The following SCAPER variants were observed in gnomAD, a reference collection of about 807,000 sequenced individuals.
The protein encoded by SCAPER is S-phase cyclin A associated protein in the ER.
Under a neutral mutation model 182.2 loss-of-function variants are expected in SCAPER, and 98 were observed. The observed-to-expected ratio is 0.54, with a 90% confidence interval of 0.46 to 0.64. SCAPER has a LOEUF of 0.64. SCAPER is among the 30% of genes least tolerant of loss of function. The pLI, the probability that SCAPER is intolerant of heterozygous loss-of-function variation, is 0.00. For missense variants in SCAPER, 1,432 were observed against 1,690.0 expected, an observed-to-expected ratio of 0.85 and a Z score of 2.68; for synonymous variants, 605 against 564.6, an observed-to-expected ratio of 1.07 and a Z score of -1.01.
rs11072597 is a variant in SCAPER, at chr15:76,471,173, C to A, written c.3078+39G>T. ...TTCTCCACAGGGACTATTTCTCAAACCTTAACTGCTTCTAACTCAAAGCAA... is the reference window on the plus strand; with the variant it reads ...TTCTCCACAGGGACTATTTCTCAAAACTTAACTGCTTCTAACTCAAAGCAA... On this transcript the variant is annotated intron_variant, in intron 25 of 31. Transcript: ENST00000563290. The A allele has an allele frequency of 0.33, 504,690 of 1,512,136 alleles. 88,425 individuals carry two copies. Among genetic ancestry groups the A allele is most frequent in the East Asian group, 0.58 (24,231 of 41,466 alleles). 93.7% of individuals were successfully genotyped at this position (1,512,136 alleles called of 1,614,324 possible).
At chr15:76,419,793 G>C (rs781591164) in intron 26 of SCAPER, among the ~76,000 whole-genome samples, 2 of 152,106 alleles carry the variant, frequency 1.3e-5, no homozygotes, top group African/African-American at 2.4e-5. Context: ...TATTTTATGA[G>C]GCCAGCATTT....
intron 3 of SCAPER, among the ~76,000 whole-genome samples, chr15:76,859,787 A>G (rs1315602147): frequency 6.6e-6 from 1 of 151,994 alleles, no homozygotes; most frequent in Non-Finnish European, 1.5e-5. Context: ...GCTGGAGTGC[A>G]GTGGCGCGAT....
chr15:76,743,837 T>C (rs2061668246), intron 15 of SCAPER, among the ~76,000 whole-genome samples: 1 of 152,126 alleles, frequency 6.6e-6, no homozygotes, highest in South Asian at 2.1e-4. Context: ...GCCAAAGCAA[T>C]AGTAAGCAAA....
chr15:76,362,463 A>G (rs1293660440), intron 29 of SCAPER, among the ~76,000 whole-genome samples: 1 of 148,206 alleles, frequency 6.7e-6, no homozygotes, highest in East Asian at 2.0e-4. Context: ...CCCAGGCTGG[A>G]GTGCAGTGGT....
chr15:76,591,276 AC>A (rs1238583192), intron 22 of SCAPER, among the ~76,000 whole-genome samples: 3 of 146,868 alleles, frequency 2.0e-5, no homozygotes, highest in Non-Finnish European at 4.7e-5. Flanking sequence ...CCAGGGTGGA[AC>A]CCTTCCGAGT....
chr15:76,444,282 T>C (rs2047835839), intron 25 of SCAPER, among the ~76,000 whole-genome samples: 1 of 152,168 alleles, frequency 6.6e-6, no homozygotes, highest in Non-Finnish European at 1.5e-5. Context: ...GTAAAAAAGA[T>C]TGCACTGACA....
chr15:76,643,815 C>G (rs1251572816), intron 21 of SCAPER, among the ~76,000 whole-genome samples: 1 of 152,068 alleles, frequency 6.6e-6, no homozygotes, highest in Non-Finnish European at 1.5e-5. Flanking sequence ...TTCCTATAAA[C>G]AGTAGGCATA....
chr15:76,766,932 CGTT>C lies in SCAPER; in HGVS notation c.1402_1404del (p.Asn468del). 6.9e-6 allele frequency: 11 copies of C among 1,596,138 alleles called. No individual in the cohort carries two copies. The highest frequency in any genetic ancestry group is 9.4e-6 in the Non-Finnish European group (11 of 1,175,496). On this transcript the variant is annotated inframe_deletion, in exon 11 of 32. Transcript: ENST00000563290. ...TAAAAGCTCACAGAAAAATCACTGT[CGTT>C]GTCAGTTTCAATGTTAATATCATTG...
intron 2 of SCAPER, among the ~76,000 whole-genome samples, chr15:76,868,749 T>C (rs2072484823): frequency 6.6e-6 from 1 of 151,960 alleles, no homozygotes; most frequent in Non-Finnish European, 1.5e-5. Flanking sequence ...CTTTTCAAAA[T>C]ACCAATGACA....
intron 23 of SCAPER, among the ~76,000 whole-genome samples, chr15:76,567,804 T>C (rs1161836125): frequency 6.6e-6 from 1 of 152,074 alleles, no homozygotes; most frequent in Non-Finnish European, 1.5e-5. Context: ...AAAATATTCT[T>C]CCCTTCTATT....
intron 27 of SCAPER, among the ~76,000 whole-genome samples, chr15:76,383,085 GGT>G (rs75365486): frequency 0.86 from 127,210 of 148,494 alleles, 55,008 homozygotes; most frequent in Middle Eastern, 0.96. Flanking sequence ...TGTGTGTATA[GGT>G]GTGTGTGTGT....
At chr15:76,770,093 C>T (rs1169170371) in intron 10 of SCAPER, among the ~76,000 whole-genome samples, 3 of 151,286 alleles carry the variant, frequency 2.0e-5, no homozygotes, top group Admixed American at 2.0e-4. Context: ...TCTAAGCAAA[C>T]TATCACAAGG....
intron 21 of SCAPER, among the ~76,000 whole-genome samples, chr15:76,654,910 T>C (rs985843347): frequency 2.0e-5 from 3 of 152,210 alleles, no homozygotes; most frequent in Non-Finnish European, 2.9e-5. Flanking sequence ...GGAAAAAGGA[T>C]AGCAACTTCA....
At chr15:76,357,594 A>G (rs1219452296) in intron 29 of SCAPER, among the ~76,000 whole-genome samples, 1 of 152,260 alleles carries the variant, frequency 6.6e-6, no homozygotes, top group African/African-American at 2.4e-5. Context: ...GTATCTACCC[A>G]AAGGAAAATA....
At chr15:76,714,192 A>G (rs2059754369) in intron 17 of SCAPER, among the ~76,000 whole-genome samples, 1 of 152,178 alleles carries the variant, frequency 6.6e-6, no homozygotes, top group South Asian at 2.1e-4. Context: ...GAAATGGATT[A>G]CCAAGCAGCA....
At chr15:76,619,972 A>T (rs957408554) in intron 22 of SCAPER, among the ~76,000 whole-genome samples, 1 of 152,142 alleles carries the variant, frequency 6.6e-6, no homozygotes, top group Non-Finnish European at 1.5e-5. Flanking sequence ...GCTAGGTGGG[A>T]GGCTGAGGCA....
At chr15:76,538,201 C>G (rs1442712704) in intron 23 of SCAPER, among the ~76,000 whole-genome samples, 26 of 145,076 alleles carry the variant, frequency 1.8e-4, no homozygotes, top group Non-Finnish European at 3.2e-4. Flanking sequence ...TTTGACCCAG[C>G]CATCCCATTA....
chr15:76,444,267 A>G (rs1015468090), intron 25 of SCAPER, among the ~76,000 whole-genome samples: 13 of 152,200 alleles, frequency 8.5e-5, no homozygotes, highest in Admixed American at 2.0e-4. Context: ...TCTTCAGTTA[A>G]TAATGTAAAA....
intron 24 of SCAPER, chr15:76,472,217 T>C: frequency 1.9e-6 from 1 of 529,206 alleles, no homozygotes; most frequent in Non-Finnish European, 3.7e-6. Context: ...AGCCCAACCC[T>C]AAAAAGTCCC....
Sources: gnomAD v4.1 joint callset for allele counts (sites outside exome capture counted in the v4.1 genomes callset) on GRCh38, gnomAD v4.1.1 for gene constraint, MANE v1.5 for transcripts, NCBI Gene and HGNC (gene_info 2026-07-23, HGNC 2026-07-21) for gene names.